CPNE4: variants seen among roughly 807,000 people sequenced by gnomAD.
CPNE4 encodes copine 4.
A neutral mutation model predicts 67.9 loss-of-function variants in CPNE4; 25 were observed. That is an observed-to-expected ratio of 0.37 (90% CI 0.27 to 0.51). The LOEUF (loss-of-function observed/expected upper bound fraction) is 0.51. Ranked by LOEUF, CPNE4 falls within the 20% of genes least tolerant of loss-of-function variation. CPNE4 has a pLI of 0.93. For synonymous variants in CPNE4, 242 were observed against 244.9 expected, an observed-to-expected ratio of 0.99 and a Z score of 0.11; for missense variants, 464 against 690.8, an observed-to-expected ratio of 0.67 and a Z score of 3.68.
At chr3:131,713,341 A>G (rs1050566958) in intron 3 of CPNE4, among the ~76,000 whole-genome samples, 5 of 152,190 alleles carry the variant, frequency 3.3e-5, no homozygotes, top group African/African-American at 1.2e-4. Flanking sequence ...GCTACCAGGT[A>G]GGTAGAATGA....
intron 1 of CPNE4, among the ~76,000 whole-genome samples, chr3:131,931,227 A>G (rs911382031): frequency 2.0e-5 from 3 of 152,164 alleles, no homozygotes; most frequent in African/African-American, 7.2e-5. Context: ...CCACTAAACA[A>G]AATTCAACCT....
At chr3:132,004,958 T>C (rs943529950) in intron 1 of CPNE4, among the ~76,000 whole-genome samples, 11 of 152,096 alleles carry the variant, frequency 7.2e-5, no homozygotes, top group African/African-American at 2.7e-4. Context: ...CATTTTTCTC[T>C]CCTTCTGGGC....
chr3:131,883,268 C>T (rs2087751505), intron 2 of CPNE4, among the ~76,000 whole-genome samples: 1 of 152,170 alleles, frequency 6.6e-6, no homozygotes, highest in Admixed American at 6.5e-5. Context: ...GCCCCTCCCC[C>T]AGTGTTACCC....
chr3:131,927,256 T>A (rs2070922220), intron 1 of CPNE4, among the ~76,000 whole-genome samples: 1 of 152,218 alleles, frequency 6.6e-6, no homozygotes, highest in Admixed American at 6.5e-5. Flanking sequence ...CTGTCTGTCA[T>A]CAAAGTCTTG....
intron 2 of CPNE4, among the ~76,000 whole-genome samples, chr3:131,760,239 A>G (rs1173531014): frequency 6.6e-6 from 1 of 152,196 alleles, no homozygotes. Context: ...TGTCTGAATT[A>G]TGAGAGGAAA....
chr3:131,946,828 A>T (rs2071565134), intron 1 of CPNE4, among the ~76,000 whole-genome samples: 1 of 152,056 alleles, frequency 6.6e-6, no homozygotes. Context: ...TTATGGCTTT[A>T]GCTCTTATAT....
intron 1 of CPNE4, among the ~76,000 whole-genome samples, chr3:131,987,387 ATTT>A (rs552601179): frequency 2.8e-5 from 4 of 143,672 alleles, no homozygotes; most frequent in African/African-American, 1.0e-4. Context: ...AGTTGTACAG[ATTT>A]TTTTTTTTTT....
intron 2 of CPNE4, among the ~76,000 whole-genome samples, chr3:131,765,679 T>C (rs2082994387): frequency 6.6e-6 from 1 of 152,072 alleles, no homozygotes; most frequent in East Asian, 1.9e-4. Flanking sequence ...GAGGCAGTAG[T>C]TAACTTCTCT....
chr3:131,669,817 C>T, intron 6 of CPNE4, 53 bp from the exon 7 acceptor site: 1 of 1,335,312 alleles, frequency 7.5e-7, no homozygotes, highest in Non-Finnish European at 1.1e-6. Flanking sequence ...TTGACATTTT[C>T]ACATTTCCAC....
intron 2 of CPNE4, among the ~76,000 whole-genome samples, chr3:131,895,918 A>G (rs566945334): frequency 1.3e-5 from 2 of 152,140 alleles, no homozygotes; most frequent in Non-Finnish European, 2.9e-5. Context: ...AGGAATTTCA[A>G]TGGCTAAAAA....
intron 1 of CPNE4, among the ~76,000 whole-genome samples, chr3:131,918,714 A>C (rs1265442812): frequency 6.6e-6 from 1 of 152,210 alleles, no homozygotes; most frequent in Non-Finnish European, 1.5e-5. Flanking sequence ...ATAACATAAA[A>C]CAGTTTTTTT....
intron 1 of CPNE4, among the ~76,000 whole-genome samples, chr3:131,947,869 C>G (rs2071602922): frequency 6.6e-6 from 1 of 152,078 alleles, no homozygotes; most frequent in African/African-American, 2.4e-5. Flanking sequence ...TAAAAGTGTT[C>G]TTATTTATCC....
At chr3:131,821,500 T>C (rs2084957496) in intron 2 of CPNE4, among the ~76,000 whole-genome samples, 1 of 152,196 alleles carries the variant, frequency 6.6e-6, no homozygotes, top group Non-Finnish European at 1.5e-5. Flanking sequence ...TCATTATTCA[T>C]TCAAGATGAA....
intron 5 of CPNE4, among the ~76,000 whole-genome samples, chr3:131,693,400 C>T (rs2081075592): frequency 6.6e-6 from 1 of 151,934 alleles, no homozygotes; most frequent in Non-Finnish European, 1.5e-5. Context: ...TACATCATAA[C>T]AAAAATAGTA....
At chr3:131,979,748 GT>G (rs901953274) in intron 1 of CPNE4, among the ~76,000 whole-genome samples, 17 of 148,850 alleles carry the variant, frequency 1.1e-4, no homozygotes, top group African/African-American at 2.2e-4. Flanking sequence ...TGTATCTTGA[GT>G]TTTTTTTTTC....
At chr3:131,787,837 A>G (rs2083607633) in intron 2 of CPNE4, among the ~76,000 whole-genome samples, 1 of 152,178 alleles carries the variant, frequency 6.6e-6, no homozygotes, top group South Asian at 2.1e-4. Context: ...CGTACAGGAC[A>G]TATCACAGTG....
chr3:131,774,694 G>T (rs566121346), intron 2 of CPNE4, among the ~76,000 whole-genome samples: 1 of 152,170 alleles, frequency 6.6e-6, no homozygotes, highest in East Asian at 1.9e-4. Flanking sequence ...CTTCTACCAA[G>T]AACTAGAGGA....
At chr3:131,802,265 C>A (rs193006138) in intron 2 of CPNE4, among the ~76,000 whole-genome samples, 2 of 152,012 alleles carry the variant, frequency 1.3e-5, no homozygotes, top group Admixed American at 6.6e-5. Context: ...CACTGTTCTG[C>A]GGTTATACTA....
intron 3 of CPNE4, among the ~76,000 whole-genome samples, chr3:131,700,682 G>A (rs1273556395): frequency 6.6e-6 from 1 of 152,170 alleles, no homozygotes; most frequent in African/African-American, 2.4e-5. Flanking sequence ...ATTCTCAAAG[G>A]AGAAAAGGGC....
Sources: allele counts gnomAD v4.1 joint callset (sites outside exome capture counted in the v4.1 genomes callset), GRCh38; gene constraint gnomAD v4.1.1; transcripts MANE v1.5; gene names NCBI Gene and HGNC (gene_info 2026-07-23, HGNC 2026-07-21).